KIF2A: variants seen among roughly 807,000 people sequenced by gnomAD.
KIF2A encodes kinesin-like protein KIF2A.
Under a neutral mutation model 100.2 loss-of-function variants are expected in KIF2A, and 22 were observed. The ratio of observed to expected loss-of-function variants is 0.22; its 90% CI spans 0.16 to 0.31. The LOEUF (loss-of-function observed/expected upper bound fraction) is 0.31. Ranked by LOEUF, KIF2A falls within the 10% of genes least tolerant of loss-of-function variation. The pLI is 1.00. For synonymous variants in KIF2A, 268 were observed against 285.9 expected (o/e 0.94, Z 0.63); for missense variants, 495 against 898.7 (o/e 0.55, Z 5.74).
chr5:62,317,064 T>G (rs80310845), intron 1 of KIF2A, among the ~76,000 whole-genome samples: 1 of 152,132 alleles, frequency 6.6e-6, no homozygotes, highest in African/African-American at 2.4e-5. Flanking sequence ...TTTTTTTTTT[T>G]TTGAATCAAA....
At chr5:62,358,453 G>T (rs923090163) in intron 9 of KIF2A, among the ~76,000 whole-genome samples, 154 bp downstream of exon 9, 4 of 152,092 alleles carry the variant, frequency 2.6e-5, no homozygotes, top group African/African-American at 9.7e-5. Context: ...ATGCTGTAAT[G>T]AATATTAACA....
chr5:62,362,480 CA>C lies in KIF2A; in HGVS notation c.1061del (p.Asn354ThrfsTer5). On this transcript the variant is annotated frameshift_variant, in exon 12 of 21. Coordinates refer to ENST00000407818, the MANE Select transcript of KIF2A (RefSeq NM_001098511.3). LOFTEE classifies it high-confidence loss of function. ...GATGTCTTTTTAATGCTAAAGAAGCCAAACTATAAGAAGCTAGAACTTCAAG... is the reference window on the plus strand; with the variant it reads ...GATGTCTTTTTAATGCTAAAGAAGCCAACTATAAGAAGCTAGAACTTCAAG... ...ARDVFLMLKK[P>X]NYKKLELQVY... The C allele has an allele frequency of 1.4e-6, 2 of 1,463,914 alleles. No individual in the cohort carries two copies. Among genetic ancestry groups the C allele is most frequent in the Non-Finnish European group, 1.8e-6 (2 of 1,109,128 alleles). The allele number at this position is 1,463,914 out of a possible 1,614,324, so 90.7% of individuals were successfully genotyped here.
At position 62,377,767 on chromosome 5, in the gene KIF2A, A is replaced by G; in HGVS notation, c.2013+5A>G. On this transcript the variant is annotated splice_donor_5th_base_variant and intron_variant, in intron 19 of 20. Transcript: ENST00000407818. ...GATCACAGGGCAGTGTTCCAGGTAA[A>G]GTAAGACAGGACTTTCCTTCAAAAT... The G allele has an allele frequency of 7.0e-7, 1 of 1,424,228 alleles. No homozygotes were observed. The allele number at this position is 1,424,228 out of a possible 1,614,324, so 88.2% of individuals were successfully genotyped here. A position where few individuals can be genotyped will look rare whatever the true frequency, so the allele number is the denominator to read the frequency against.
chr5:62,331,452 G>C (rs1022691487), intron 1 of KIF2A, among the ~76,000 whole-genome samples: 5 of 152,090 alleles, frequency 3.3e-5, no homozygotes, highest in African/African-American at 4.8e-5. Flanking sequence ...TGCAGGCACG[G>C]TGGCATATGC....
intron 1 of KIF2A, among the ~76,000 whole-genome samples, chr5:62,331,206 G>A (rs1370852325): frequency 6.6e-6 from 1 of 152,018 alleles, no homozygotes; most frequent in East Asian, 1.9e-4. Flanking sequence ...GAGGTTGGGA[G>A]TTCGAGACAA....
chr5:62,362,398 T>TTTTA, intron 11 of KIF2A, 52 bp from the exon 12 acceptor site: 1 of 886,656 alleles, frequency 1.1e-6, no homozygotes, highest in Non-Finnish European at 1.6e-6. Context: ...TTGAGTTGCT[T>TTTTA]TTTAAAAATA....
intron 17 of KIF2A, among the ~76,000 whole-genome samples, chr5:62,372,887 T>C (rs1306920444): frequency 6.6e-6 from 1 of 152,168 alleles, no homozygotes; most frequent in Non-Finnish European, 1.5e-5. Flanking sequence ...ATTGCCTTTA[T>C]GCTGTATGAT....
Position 62,358,282 on chromosome 5 carries a change from T to C in KIF2A, c.855T>C (p.Pro285=). The C allele has an allele frequency of 6.3e-7, 1 of 1,583,956 alleles. No homozygotes were observed. The highest frequency in any genetic ancestry group is 8.5e-7 in the Non-Finnish European group (1 of 1,170,594). ...RFDYAFDDSA[P]NEMVYRFTAR... ...ATTATGCCTTTGATGACTCAGCTCC[T>C]AATGAAATGGTTTACAGGTAGGTAA... is the stretch of plus-strand genomic sequence containing the variant. The change falls in exon 9 of 21, where the codon CCT becomes CCC. Residue 285 remains proline (P), a synonymous_variant. Transcript: ENST00000407818.
At chr5:62,345,140 C>A (rs1395936738) in intron 1 of KIF2A, among the ~76,000 whole-genome samples, 2 of 152,170 alleles carry the variant, frequency 1.3e-5, no homozygotes, top group Non-Finnish European at 2.9e-5. Flanking sequence ...GTAATCCCAG[C>A]ACTTTGGGAG....
intron 19 of KIF2A, among the ~76,000 whole-genome samples, chr5:62,378,666 C>A (rs1741647092): frequency 6.6e-6 from 1 of 152,304 alleles, no homozygotes; most frequent in Non-Finnish European, 1.5e-5. Flanking sequence ...GCCTGTAATA[C>A]CAGCACTGTG....
At chr5:62,347,983 T>G in intron 2 of KIF2A, 65 bp from the exon 3 acceptor site, 1 of 1,537,688 alleles carries the variant, frequency 6.5e-7, no homozygotes, top group Non-Finnish European at 8.9e-7. Context: ...TCAATTTACT[T>G]GAAAAGTAAA....
intron 16 of KIF2A, among the ~76,000 whole-genome samples, chr5:62,371,352 G>T (rs751465023): frequency 6.6e-6 from 1 of 152,146 alleles, no homozygotes; most frequent in Non-Finnish European, 1.5e-5. Context: ...TTTGACAGTA[G>T]ATATTAACCA....
chr5:62,381,236 T>C lies in KIF2A; in HGVS notation c.2132T>C (p.Ile711Thr). 1 of 1,612,560 alleles carries C rather than the reference T, an allele frequency of 6.2e-7. No homozygotes were observed. Among genetic ancestry groups the C allele is most frequent in the Non-Finnish European group, 8.5e-7 (1 of 1,178,728 alleles). Reference protein sequence around the residue: ...LEAILEQKIDILTELRDKVKS... With the variant: ...LEAILEQKIDTLTELRDKVKS... ...GCTATTCTTGAGCAAAAAATAGACA[T>C]TTTAACTGAACTGCGGGGTAATTCT... The change falls in exon 20 of 21, where the codon ATT (isoleucine) becomes ACT (threonine). Residue 711 changes from isoleucine to threonine, a missense_variant. Physicochemically the swap from Ile to Thr is moderately conservative, Grantham distance 89 (BLOSUM62 -1). Coordinates refer to ENST00000407818, the MANE Select transcript of KIF2A (RefSeq NM_001098511.3).
At chr5:62,328,877 A>T (rs1746506123) in intron 1 of KIF2A, among the ~76,000 whole-genome samples, 1 of 152,156 alleles carries the variant, frequency 6.6e-6, no homozygotes, top group Admixed American at 6.5e-5. Context: ...AAACTTTTCT[A>T]AAAAGCTGCA....
chr5:62,362,391 A>T, intron 11 of KIF2A, 59 bp from the exon 12 acceptor site: 1 of 739,118 alleles, frequency 1.4e-6, no homozygotes, highest in Non-Finnish European at 2.0e-6. Context: ...AGAAAATTTG[A>T]GTTGCTTTTT....
intron 1 of KIF2A, among the ~76,000 whole-genome samples, chr5:62,330,521 A>G (rs961180745): frequency 1.3e-5 from 2 of 152,200 alleles, no homozygotes; most frequent in African/African-American, 4.8e-5. Context: ...AACCACTTTG[A>G]GTAAACTTAT....
rs377475865 is a variant in KIF2A at position 62,357,751 on chromosome 5, G to T, written c.709+6G>T. ...ACGACCACTCAATAAAAAAGGTATG[G>T]CACTTAATGAGCTCTAATAAAAGAT... On this transcript the variant is annotated splice_donor_region_variant and intron_variant, in intron 8 of 20. Transcript: ENST00000407818. 3.4e-6 allele frequency: 5 copies of T among 1,480,014 alleles called. No homozygotes were observed. The highest frequency in any genetic ancestry group is 1.4e-5 in the African/African-American group (1 of 72,034). 91.7% of individuals were successfully genotyped at this position (1,480,014 alleles called of 1,614,324 possible).
chr5:62,332,389 T>C (rs1746700100), intron 1 of KIF2A, among the ~76,000 whole-genome samples: 1 of 152,192 alleles, frequency 6.6e-6, no homozygotes, highest in Non-Finnish European at 1.5e-5. Flanking sequence ...TATCTTGATA[T>C]TTACCAACAG....
At chr5:62,306,865 C>T in intron 1 of KIF2A, 1 of 347,130 alleles carries the variant, frequency 2.9e-6, no homozygotes, top group Admixed American at 5.2e-5. Context: ...CCCGGGGACA[C>T]CAGCCCGGGA....
Sources: allele counts gnomAD v4.1 joint callset (sites outside exome capture counted in the v4.1 genomes callset), GRCh38; gene constraint gnomAD v4.1.1; transcripts MANE v1.5; gene names NCBI Gene and HGNC (gene_info 2026-07-23, HGNC 2026-07-21).